Variants in ZNF469 observed in about 807,000 individuals in gnomAD.
ZNF469 encodes zinc finger protein 469.
Under a neutral mutation model 1.0 loss-of-function variants are expected in ZNF469, and 1 was observed. The observed-to-expected ratio is 1.00, with a 90% CI of 0.35 to 4.73. ZNF469 has a LOEUF of 4.73. Ranked by LOEUF, ZNF469 falls within the 30% of genes most tolerant of loss-of-function variation. The pLI is 0.16. For missense variants in ZNF469, 6,100 were observed against 5,356.3 expected (o/e 1.14, Z -4.33); for synonymous variants, 2,703 against 2,363.4 (o/e 1.14, Z -4.17).
the ZNF469 span, among the ~76,000 whole-genome samples, chr16:88,371,679 G>A: frequency 6.6e-6 from 1 of 152,196 alleles, no homozygotes; most frequent in Non-Finnish European, 1.5e-5. Flanking sequence ...CTCTTCCTCA[G>A]TGATGTAACC....
At position 88,434,549 on chromosome 16, in the gene ZNF469, C is replaced by T. The variant is rs76389306; in HGVS notation, c.7079C>T (p.Pro2360Leu). ...CCTCCCACGCTACAGGGTGCAGGGC[C>T]GGACTCCCCCGCCTGCCTGGAAGGT... is the stretch of plus-strand genomic sequence containing the variant. ...TEPPTLQGAG[P>L]DSPACLEGEM... Residue 2360 changes from proline to leucine, a missense_variant, in exon 3 of 3, where the codon CCG becomes CTG. Transcript: ENST00000565624. The T allele has an allele frequency of 2.5e-3, 3,844 of 1,550,334 alleles. 12 individuals carry two copies. The highest frequency in any genetic ancestry group is 3.2e-3 in the Admixed American group (163 of 51,012).
the ZNF469 span, among the ~76,000 whole-genome samples, chr16:88,134,343 C>A: frequency 6.6e-6 from 1 of 152,200 alleles, no homozygotes; most frequent in Non-Finnish European, 1.5e-5. Flanking sequence ...CGTTTACGAA[C>A]CACGTGCTGT....
At chr16:88,342,870 G>A in the ZNF469 span, among the ~76,000 whole-genome samples, 1 of 152,250 alleles carries the variant, frequency 6.6e-6, no homozygotes, top group Admixed American at 6.5e-5. Flanking sequence ...CCCAGTTGCA[G>A]GACGTCATGT....
rs542649619 is a variant in ZNF469, at chr16:88,398,974, C to A, written c.-192+15720C>A. Among the ~76,000 whole-genome samples the A allele has an allele frequency of 1.4e-4, 21 of 152,378 alleles. 1 individual carries two copies. In the South Asian group the frequency reaches 3.7e-3, roughly 27 times the overall value. On this transcript the variant is annotated intron_variant, in intron 1 of 2. Transcript: ENST00000565624. ...CCCCCCCAGGATCTATTTTTAACCT[C>A]ATTTAACAGATAAGAAAACACAGCA...
the ZNF469 span, among the ~76,000 whole-genome samples, chr16:88,234,067 G>A: frequency 7.2e-5 from 11 of 152,232 alleles, no homozygotes; most frequent in Non-Finnish European, 5.9e-5. Flanking sequence ...GTGGGCTGCA[G>A]GCGCTGGGTG....
chr16:88,218,553 G>A, the ZNF469 span, among the ~76,000 whole-genome samples: 2 of 152,132 alleles, frequency 1.3e-5, no homozygotes, highest in Non-Finnish European at 2.9e-5. Flanking sequence ...AAAAGCCTTT[G>A]ACAAAATTCA....
At chr16:88,352,644 C>A in the ZNF469 span, among the ~76,000 whole-genome samples, 1 of 152,264 alleles carries the variant, frequency 6.6e-6, no homozygotes, top group African/African-American at 2.4e-5. Flanking sequence ...CACTTTGGTA[C>A]CAAACCTGCC....
chr16:88,207,946 T>C, the ZNF469 span, among the ~76,000 whole-genome samples: 19 of 152,168 alleles, frequency 1.2e-4, no homozygotes, highest in Non-Finnish European at 2.5e-4. Flanking sequence ...TTGGCGGCCA[T>C]GATTTAGCCT....
the ZNF469 span, among the ~76,000 whole-genome samples, chr16:88,160,954 C>A: frequency 6.6e-6 from 1 of 152,172 alleles, no homozygotes; most frequent in Non-Finnish European, 1.5e-5. Context: ...ACCAGCCTGG[C>A]CAACATGGCA....
At chr16:88,343,447 A>T in the ZNF469 span, among the ~76,000 whole-genome samples, 1 of 152,192 alleles carries the variant, frequency 6.6e-6, no homozygotes, top group Non-Finnish European at 1.5e-5. Context: ...CAGCCTGCCC[A>T]TCGTGACTTC....
At chr16:88,204,644 T>A in the ZNF469 span, among the ~76,000 whole-genome samples, 1 of 152,044 alleles carries the variant, frequency 6.6e-6, no homozygotes, top group South Asian at 2.1e-4. Context: ...AGGAGGACCC[T>A]GTTAAGAGGA....
chr16:88,436,304 A>T lies in ZNF469; in HGVS notation c.8834A>T (p.Asn2945Ile), dbSNP rs756327266. ...PESFLLDGFL[N>I]SRVPGIDPWA... is the part of the protein sequence containing the mutation. The stretch of plus-strand genomic sequence containing the variant: ...TCCTTCCTCCTGGATGGGTTCCTCA[A>T]TAGCAGGGTGCCTGGCATTGACCCC... The change falls in exon 3 of 3, where the codon AAT becomes ATT. Residue 2945 changes from asparagine (N) to isoleucine (I), a missense_variant. By Grantham distance (149) the Asn-to-Ile change is moderately radical (BLOSUM62 -3). Coordinates refer to ENST00000565624, the MANE Select transcript of ZNF469 (RefSeq NM_001367624.2). 5.2e-6 allele frequency: 8 copies of T among 1,549,724 alleles called. No homozygotes were observed. The South Asian group carries it at 9.5e-5, about 18-fold the overall frequency.
At chr16:88,275,907 G>A in the ZNF469 span, among the ~76,000 whole-genome samples, 6 of 152,166 alleles carry the variant, frequency 3.9e-5, no homozygotes, top group Admixed American at 3.3e-4. Context: ...GAGACACAGA[G>A]TCCTGTAAGA....
chr16:88,354,325 G>T, the ZNF469 span, among the ~76,000 whole-genome samples: 1 of 152,190 alleles, frequency 6.6e-6, no homozygotes, highest in Non-Finnish European at 1.5e-5. Flanking sequence ...GCCAGGTTCG[G>T]GGTAGGAGGG....
In ZNF469 at chr16:88,438,370, G is replaced by C; in HGVS notation, c.10900G>C (p.Ala3634Pro). Residue 3634 changes from alanine (A) to proline (P), a missense_variant, in exon 3 of 3, where the codon GCC becomes CCC. Coordinates refer to ENST00000565624, the MANE Select transcript of ZNF469 (RefSeq NM_001367624.2). ...RRAPGARGRC[A>P]PDHFQEDHLL... Reference sequence around the variant, plus strand: ...GGCCCCGGGTGCCCGTGGCAGGTGTGCCCCTGACCATTTCCAGGAAGACCA... The same window carrying C: ...GGCCCCGGGTGCCCGTGGCAGGTGTCCCCCTGACCATTTCCAGGAAGACCA... 2 of 1,550,178 alleles carry C rather than the reference G, an allele frequency of 1.3e-6. No homozygotes were observed. The highest frequency in any genetic ancestry group is 1.7e-6 in the Non-Finnish European group (2 of 1,146,956).
the ZNF469 span, among the ~76,000 whole-genome samples, chr16:88,283,709 C>T: frequency 6.6e-6 from 1 of 152,204 alleles, no homozygotes; most frequent in Non-Finnish European, 1.5e-5. Flanking sequence ...GGCCACTTTC[C>T]GGATGGCCCA....
chr16:88,193,210 ATGGTGGTGATGG>A, the ZNF469 span, among the ~76,000 whole-genome samples: 167 of 14,448 alleles, frequency 0.012, no homozygotes, highest in Non-Finnish European at 0.016. Context: ...GGTGGTGGGG[ATGGTGGTGATGG>A]TGGTGGTGGG....
the ZNF469 span, among the ~76,000 whole-genome samples, chr16:88,206,077 G>A: frequency 6.6e-6 from 1 of 152,162 alleles, no homozygotes; most frequent in African/African-American, 2.4e-5. Context: ...AGGGAGGGGG[G>A]AGCTGTGCTG....
the ZNF469 span, among the ~76,000 whole-genome samples, chr16:88,376,973 T>G: frequency 6.6e-6 from 1 of 152,332 alleles, no homozygotes; most frequent in African/African-American, 2.4e-5. Flanking sequence ...CTCTGCCCGC[T>G]CATGCCGCCG....
Sources: allele counts gnomAD v4.1 joint callset (sites outside exome capture counted in the v4.1 genomes callset), GRCh38; gene constraint gnomAD v4.1.1; transcripts MANE v1.5; gene names NCBI Gene and HGNC (gene_info 2026-07-23, HGNC 2026-07-21).